The following HORMAD1 variants were observed in gnomAD, a reference collection of about 807,000 sequenced individuals.
HORMAD1 encodes HORMA domain-containing protein 1.
A neutral mutation model predicts 58.2 loss-of-function variants in HORMAD1; 33 were observed. The observed-to-expected ratio is 0.57, with a 90% confidence interval of 0.43 to 0.76. The LOEUF (loss-of-function observed/expected upper bound fraction) is 0.76, where lower values mean the gene tolerates loss of function less well. HORMAD1 is among the 30% of genes least tolerant of loss of function. HORMAD1 has a pLI of 0.00. For missense variants in HORMAD1, 363 were observed against 462.0 expected (o/e 0.79, Z 1.96); for synonymous variants, 137 against 144.6 (o/e 0.95, Z 0.38).
intron 10 of HORMAD1, among the ~76,000 whole-genome samples, chr1:150,706,259 A>G (rs587776268): frequency 6.6e-5 from 10 of 152,306 alleles, no homozygotes; most frequent in African/African-American, 2.4e-4. Flanking sequence ...CTAGAGTCCT[A>G]GGGGTTTCCT....
intron 7 of HORMAD1, among the ~76,000 whole-genome samples, chr1:150,709,633 C>T (rs1353882416): frequency 4.0e-5 from 6 of 151,666 alleles, no homozygotes; most frequent in East Asian, 1.9e-4. Flanking sequence ...GCCCGACACC[C>T]ATAAAAGGTC....
Position 150,704,156 on chromosome 1 carries a change from A to T in HORMAD1, c.910T>A (p.Ser304Thr), listed in dbSNP as rs766270360. ...ATAGAAAGATCTGGACTTTCTTTAG[A>T]CCTCATAATTTCATCTTCCTCACAA... ...LVCEEDEIMRSKESPDLSISH... is the reference protein window; with the variant it reads ...LVCEEDEIMRTKESPDLSISH... The change falls in exon 12 of 15, where the codon TCT becomes ACT. Residue 304 changes from serine to threonine, a missense_variant. Ser to Thr is a moderately conservative substitution (Grantham distance 58, BLOSUM62 1). Around this residue, in one of 3 missense-constraint regions of HORMAD1, gnomAD observed 226 missense variants for 257.8 expected, o/e 0.88. Coordinates refer to ENST00000361824, the MANE Select transcript of HORMAD1 (RefSeq NM_032132.5). 8 of 1,593,038 alleles carry T rather than the reference A, an allele frequency of 5.0e-6. No individual in the cohort carries two copies. In the East Asian group the frequency reaches 1.8e-4, roughly 36 times the overall value.
intron 7 of HORMAD1, among the ~76,000 whole-genome samples, chr1:150,710,519 C>T (rs1571073409): frequency 6.6e-6 from 1 of 152,212 alleles, no homozygotes; most frequent in East Asian, 1.9e-4. Context: ...TGCTAATTTA[C>T]TGATAGAAAA....
intron 2 of HORMAD1, among the ~76,000 whole-genome samples, chr1:150,718,348 T>TC (rs1250858827): frequency 1.3e-5 from 2 of 149,078 alleles, no homozygotes; most frequent in African/African-American, 4.9e-5. Flanking sequence ...TGGCTAATTT[T>TC]TTTTTTTTTT....
At chr1:150,710,850 A>C (rs1651854757) in intron 7 of HORMAD1, among the ~76,000 whole-genome samples, 2 of 152,208 alleles carry the variant, frequency 1.3e-5, no homozygotes, top group Admixed American at 6.5e-5. Context: ...CTATAGCGTA[A>C]TGGGTAAACA....
chr1:150,699,756 T>G (rs1048246924), intron 14 of HORMAD1, among the ~76,000 whole-genome samples: 2 of 151,428 alleles, frequency 1.3e-5, no homozygotes, highest in Non-Finnish European at 2.9e-5. Flanking sequence ...AGGGTCTCGA[T>G]CTCTTGACCT....
chr1:150,704,244 G>A, intron 11 of HORMAD1, 33 bp downstream of exon 11: 1 of 1,550,884 alleles, frequency 6.4e-7, no homozygotes. Flanking sequence ...TGAGTTGGAA[G>A]TGAGTTAATG....
chr1:150,715,875 C>T (rs969495192), intron 3 of HORMAD1, among the ~76,000 whole-genome samples: 1 of 147,106 alleles, frequency 6.8e-6, no homozygotes, highest in Non-Finnish European at 1.5e-5. Flanking sequence ...TGATTAAGTG[C>T]TTCTAAAGGT....
rs587604232 is a variant in HORMAD1 at position 150,708,111 on chromosome 1, C to G, written c.547+145G>C. The G allele has an allele frequency of 1.9e-4, 103 of 549,532 alleles. No individual in the cohort carries two copies. The East Asian group carries it at 3.1e-3, about 17-fold the overall frequency. The allele number at this position is 549,532 out of a possible 1,614,324, so 34.0% of individuals were successfully genotyped here. A position where few individuals can be genotyped will look rare whatever the true frequency, so the allele number is the denominator to read the frequency against. ...TATTTTAAAGCTTAATTTTGTAAAT[C>G]TTTCTTTCTTGAATAGTGATATTAA... is the stretch of plus-strand genomic sequence containing the variant. On this transcript the variant is annotated intron_variant, in intron 9 of 14. Transcript: ENST00000361824.
intron 12 of HORMAD1, 62 bp from the exon 13 acceptor site, chr1:150,703,455 A>G (rs1373204751): frequency 8.0e-6 from 7 of 878,078 alleles, no homozygotes; most frequent in Middle Eastern, 6.6e-4. Flanking sequence ...TCATAACACA[A>G]TAAATGGGGT....
chr1:150,704,283 G>C lies in HORMAD1; in HGVS notation c.865C>G (p.Leu289Val), dbSNP rs1284709684. Residue 289 changes from leucine to valine, a missense_variant, in exon 11 of 15, where the codon CTT (leucine) becomes GTT (valine). Leu to Val is a conservative substitution (Grantham distance 32). Coordinates refer to ENST00000361824, the MANE Select transcript of HORMAD1 (RefSeq NM_032132.5). ...ATTTTCATTAACTTCTTACCTTCAAGTTCAGAAGATGCAGGGTTTTTTTCC... is the reference window on the plus strand; with the variant it reads ...ATTTTCATTAACTTCTTACCTTCAACTTCAGAAGATGCAGGGTTTTTTTCC... ...EQEKNPASSELEEPSLVCEED... is the reference protein window; with the variant it reads ...EQEKNPASSEVEEPSLVCEED... The C allele has an allele frequency of 1.3e-6, 2 of 1,594,850 alleles. No individual in the cohort carries two copies. Among genetic ancestry groups the C allele is most frequent in the African/African-American group, 1.4e-5 (1 of 73,638 alleles).
intron 6 of HORMAD1, 61 bp from the exon 7 acceptor site, chr1:150,711,632 A>G (rs1651908740): frequency 7.7e-7 from 1 of 1,290,624 alleles, no homozygotes. Flanking sequence ...ACTAAATTAG[A>G]TGTTTAGACT....
intron 14 of HORMAD1, among the ~76,000 whole-genome samples, chr1:150,699,297 G>C (rs1397069535): frequency 6.6e-6 from 1 of 152,122 alleles, no homozygotes; most frequent in African/African-American, 2.4e-5. Context: ...AACAACTATA[G>C]GGTTTAAGTC....
chr1:150,713,839 C>T lies in HORMAD1; in HGVS notation c.279+246G>A, dbSNP rs138824074. On this transcript the variant is annotated intron_variant, in intron 5 of 14. Coordinates refer to ENST00000361824, the MANE Select transcript of HORMAD1 (RefSeq NM_032132.5). ...TCATTAACTTTTTTGTAAGTTAACA[C>T]GTGTTATTAATACAAATAAGTGTTA... 9.4e-3 allele frequency: 3,995 copies of T among 426,156 alleles called. 28 individuals are homozygous for T. The highest frequency in any genetic ancestry group is 0.022 in the Middle Eastern group (48 of 2,190). The allele number at this position is 426,156 out of a possible 1,614,324, so 26.4% of individuals were successfully genotyped here. A position where few individuals can be genotyped will look rare whatever the true frequency, so the allele number is the denominator to read the frequency against.
rs1652232943 is a variant in HORMAD1, at chr1:150,720,888, C to T, written c.-118G>A. The T allele has an allele frequency of 2.0e-5, 3 of 152,272 alleles. No homozygotes were observed. In the South Asian group the frequency reaches 6.2e-4, roughly 31 times the overall value. 9.4% of individuals were successfully genotyped at this position (152,272 alleles called of 1,614,324 possible). A position where few individuals can be genotyped will look rare whatever the true frequency, so the allele number is the denominator to read the frequency against. The stretch of plus-strand genomic sequence containing the variant: ...TGCCCGACGCGCATGCGCTTTCCTT[C>T]AACGGTCACCCGCTGGGGCGCGACA... On this transcript the variant is annotated 5_prime_UTR_variant, in exon 1 of 15. Transcript: ENST00000361824.
intron 9 of HORMAD1, among the ~76,000 whole-genome samples, chr1:150,707,654 A>G (rs72702557): frequency 0.39 from 58,598 of 152,120 alleles, 11,611 homozygotes; most frequent in South Asian, 0.55. Context: ...GTGCCTGCTC[A>G]GCCGGGTGCT....
At chr1:150,704,535 T>C (rs1651632168) in intron 10 of HORMAD1, among the ~76,000 whole-genome samples, 192 bp from the exon 11 acceptor site, 2 of 152,048 alleles carry the variant, frequency 1.3e-5, no homozygotes, top group African/African-American at 2.4e-5. Context: ...TGCTTGAGAC[T>C]AGTAGTTCCA....
intron 1 of HORMAD1, 121 bp from the exon 2 acceptor site, chr1:150,719,659 TAG>T (rs1430021205): frequency 7.9e-6 from 4 of 508,128 alleles, no homozygotes; most frequent in African/African-American, 4.0e-5. Context: ...TTAATTAAAA[TAG>T]AGTCTTCAAA....
At position 150,698,677 on chromosome 1, in the gene HORMAD1, T is replaced by C; in HGVS notation, c.1162A>G (p.Ser388Gly). ...QESVPKRRKF[S>G]EPKEHI The stretch of plus-strand genomic sequence containing the variant: ...TTTTATATATGTTCCTTTGGTTCAC[T>C]AAACTTTCTCCTTTTTGGCACTGAC... The change falls in exon 15 of 15, where the codon AGT (serine) becomes GGT (glycine). Residue 388 changes from serine to glycine, a missense_variant. By Grantham distance (56) the Ser-to-Gly change is moderately conservative. Around this residue, in one of 3 missense-constraint regions of HORMAD1, gnomAD observed 226 missense variants for 257.8 expected, o/e 0.88. Coordinates refer to ENST00000361824, the MANE Select transcript of HORMAD1 (RefSeq NM_032132.5). 6.3e-7 allele frequency: 1 copy of C among 1,599,470 alleles called. No individual in the cohort carries two copies. Among genetic ancestry groups the C allele is most frequent in the Non-Finnish European group, 8.6e-7 (1 of 1,167,958 alleles).
Sources: allele counts gnomAD v4.1 joint callset (sites outside exome capture counted in the v4.1 genomes callset), GRCh38; gene constraint gnomAD v4.1.1; regional missense constraint gnomAD v4.1.1; transcripts MANE v1.5; gene names NCBI Gene and HGNC (gene_info 2026-07-23, HGNC 2026-07-21).